Variants in SPECC1L observed in about 807,000 individuals in gnomAD.
SPECC1L encodes the protein cytospin-A.
In SPECC1L, 40 loss-of-function variants were observed where a neutral mutation model predicts 116.8. The observed-to-expected ratio is 0.34, with a 90% CI of 0.27 to 0.45. The LOEUF (loss-of-function observed/expected upper bound fraction) is 0.45, where lower values mean the gene tolerates loss of function less well. Among genes scored for constraint, SPECC1L ranks in the 20% least tolerant of loss-of-function variants. SPECC1L has a pLI of 1.00. For synonymous variants in SPECC1L, 504 were observed against 500.6 expected (o/e 1.01, Z -0.09); for missense variants, 1,110 against 1,373.6 (o/e 0.81, Z 3.03).
intron 4 of SPECC1L, among the ~76,000 whole-genome samples, chr22:24,320,272 C>T (rs904341549): frequency 2.0e-5 from 3 of 151,988 alleles, no homozygotes. Context: ...AAGAGAGACT[C>T]CATCTCAAAA....
chr22:24,411,733 C>T, intron 15 of SPECC1L, 29 bp downstream of exon 15: 5 of 1,568,566 alleles, frequency 3.2e-6, no homozygotes, highest in South Asian at 1.1e-5. Context: ...GCTCCTGGCA[C>T]CCACCTCACA....
chr22:24,307,609 G>T (rs188616310), intron 3 of SPECC1L, among the ~76,000 whole-genome samples: 168 of 152,216 alleles, frequency 1.1e-3, no homozygotes, highest in Non-Finnish European at 2.1e-3. Context: ...GAGTGTGTGT[G>T]TGTGTGTATG....
intron 14 of SPECC1L, among the ~76,000 whole-genome samples, chr22:24,374,675 A>C (rs920844670): frequency 2.0e-5 from 3 of 151,294 alleles, no homozygotes; most frequent in African/African-American, 7.3e-5. Context: ...CCTAATGTTA[A>C]ATGACGAGTT....
Position 24,321,447 on chromosome 22 carries a change from G to T in SPECC1L, c.467G>T (p.Ser156Ile). 6.2e-7 allele frequency: 1 copy of T among 1,614,260 alleles called. No homozygotes were observed. The highest frequency in any genetic ancestry group is 8.5e-7 in the Non-Finnish European group (1 of 1,180,048). The change falls in exon 5 of 17, where the codon AGT becomes ATT. Residue 156 changes from serine to isoleucine, a missense_variant. Ser to Ile is a moderately radical substitution (Grantham distance 142). Coordinates refer to ENST00000314328, the MANE Select transcript of SPECC1L (RefSeq NM_015330.6). ...ATGGCATTGGCCAAACGTTCCCGCA[G>T]TCGAACTGCTACAGAATGTGACGTT... ...NDMALAKRSR[S>I]RTATECDVRM...
intron 10 of SPECC1L, among the ~76,000 whole-genome samples, chr22:24,345,357 A>G (rs1278143323): frequency 6.6e-6 from 1 of 152,244 alleles, no homozygotes; most frequent in African/African-American, 2.4e-5. Flanking sequence ...TAATTTTTAC[A>G]TGAGAACATG....
intron 14 of SPECC1L, among the ~76,000 whole-genome samples, chr22:24,410,787 C>T (rs1287102012): frequency 6.6e-6 from 1 of 152,100 alleles, no homozygotes; most frequent in South Asian, 2.1e-4. Context: ...CAGAAGGTAT[C>T]TTCATGTGTG....
intron 10 of SPECC1L, among the ~76,000 whole-genome samples, chr22:24,340,405 C>T (rs2041152365): frequency 6.6e-6 from 1 of 152,140 alleles, no homozygotes; most frequent in South Asian, 2.1e-4. Context: ...CTTCAGCCTT[C>T]CAAAGTGCTG....
chr22:24,411,472 T>G, intron 14 of SPECC1L, 116 bp from the exon 15 acceptor site: 1 of 911,320 alleles, frequency 1.1e-6, no homozygotes, highest in Non-Finnish European at 1.8e-6. Flanking sequence ...CCTGCCCTGG[T>G]TTTGGTTTTG....
intron 8 of SPECC1L, among the ~76,000 whole-genome samples, chr22:24,332,717 T>G (rs77376734): frequency 1.3e-5 from 2 of 152,088 alleles, no homozygotes; most frequent in African/African-American, 2.4e-5. Flanking sequence ...TTTTTTTTTT[T>G]GGTTTTGGAA....
In SPECC1L at chr22:24,334,442, A is replaced by T; in HGVS notation, c.2429A>T (p.Tyr810Phe). Residue 810 changes from tyrosine (Y) to phenylalanine (F), a missense_variant, in exon 9 of 17, where the codon TAC becomes TTC. This residue lies in a region of SPECC1L where 575 missense variants were observed against 682.4 expected (regional missense o/e 0.84). Coordinates refer to ENST00000314328, the MANE Select transcript of SPECC1L (RefSeq NM_015330.6). ...QEEERGRVYN[Y>F]MNAVERDLAA... is the part of the protein sequence containing the mutation. ...GAGGAGCGAGGCCGGGTATACAATT[A>T]CATGAATGCCGTTGAGAGAGATTTG... 1 of 1,614,204 alleles carries T rather than the reference A, an allele frequency of 6.2e-7. No individual in the cohort carries two copies. The highest frequency in any genetic ancestry group is 1.3e-5 in the African/African-American group (1 of 75,058).
chr22:24,388,528 T>C (rs1265810886), intron 14 of SPECC1L, among the ~76,000 whole-genome samples: 6 of 152,026 alleles, frequency 3.9e-5, no homozygotes, highest in African/African-American at 1.4e-4. Context: ...CTATTGTGAA[T>C]AGTGCCGCAA....
chr22:24,358,391 G>T (rs962801101), intron 11 of SPECC1L, among the ~76,000 whole-genome samples: 2 of 152,144 alleles, frequency 1.3e-5, no homozygotes, highest in African/African-American at 4.8e-5. Context: ...TTACAGGTGA[G>T]AACCATTGCG....
At chr22:24,286,604 A>G (rs536325302) in intron 2 of SPECC1L, among the ~76,000 whole-genome samples, 1 of 152,172 alleles carries the variant, frequency 6.6e-6, no homozygotes, top group Non-Finnish European at 1.5e-5. Flanking sequence ...TTTCTGTCTT[A>G]TATCTTTGTC....
chr22:24,373,663 A>G (rs1453881402), intron 14 of SPECC1L, among the ~76,000 whole-genome samples: 2 of 152,244 alleles, frequency 1.3e-5, no homozygotes, highest in East Asian at 3.8e-4. Flanking sequence ...ACCTAAAACC[A>G]TAAAAACCCT....
rs573343772 is a variant in SPECC1L, at chr22:24,298,337, G to A, written c.-37-3858G>A. On this transcript the variant is annotated intron_variant, in intron 2 of 16. Coordinates refer to ENST00000314328, the MANE Select transcript of SPECC1L (RefSeq NM_015330.6). Reference sequence around the variant, plus strand: ...TTTATTCCATCATAAGTTGAGCAGCGTCTTTATGTATAGGCAAAAACATAG... The same window carrying A: ...TTTATTCCATCATAAGTTGAGCAGCATCTTTATGTATAGGCAAAAACATAG... 1.6e-4 allele frequency among the ~76,000 whole-genome samples: 25 copies of A among 151,940 alleles called. 1 individual carries two copies. The South Asian group carries it at 1.7e-3, about 10-fold the overall frequency.
chr22:24,364,504 A>G (rs2041712738), intron 12 of SPECC1L, among the ~76,000 whole-genome samples: 1 of 152,168 alleles, frequency 6.6e-6, no homozygotes, highest in African/African-American at 2.4e-5. Context: ...GTCTACTGAA[A>G]ATACAAAAAT....
chr22:24,416,287 C>T lies in SPECC1L; in HGVS notation c.*1664C>T, dbSNP rs984897891. ...AGCCTGGGAGCTCAGGCTGCTGCCGCTGGCTGGATGCCCTTTGGTGAAATG... is the reference window on the plus strand; with the variant it reads ...AGCCTGGGAGCTCAGGCTGCTGCCGTTGGCTGGATGCCCTTTGGTGAAATG... On this transcript the variant is annotated 3_prime_UTR_variant, in exon 17 of 17. Transcript: ENST00000314328. 1.2e-4 allele frequency: 18 copies of T among 152,374 alleles called. No individual in the cohort carries two copies. Among genetic ancestry groups the T allele is most frequent in the Admixed American group, 4.6e-4 (7 of 15,304 alleles). 9.4% of individuals were successfully genotyped at this position (152,374 alleles called of 1,614,324 possible). A position where few individuals can be genotyped will look rare whatever the true frequency, so the allele number is the denominator to read the frequency against.
At chr22:24,380,516 A>G (rs1054976211) in intron 14 of SPECC1L, among the ~76,000 whole-genome samples, 8 of 152,208 alleles carry the variant, frequency 5.3e-5, no homozygotes, top group African/African-American at 1.4e-4. Context: ...CCTAATACCC[A>G]TATCATCTTT....
At chr22:24,343,278 C>G (rs543351475) in intron 10 of SPECC1L, among the ~76,000 whole-genome samples, 1 of 152,224 alleles carries the variant, frequency 6.6e-6, no homozygotes, top group East Asian at 1.9e-4. Flanking sequence ...CCAAGAAAAT[C>G]AGGAAGCTAA....
Sources: allele counts gnomAD v4.1 joint callset (sites outside exome capture counted in the v4.1 genomes callset), GRCh38; gene constraint gnomAD v4.1.1; regional missense constraint gnomAD v4.1.1; transcripts MANE v1.5; gene names NCBI Gene and HGNC (gene_info 2026-07-23, HGNC 2026-07-21).